Variants in SHISA9 observed in about 807,000 individuals in gnomAD.
The protein encoded by SHISA9 is shisa family member 9.
In SHISA9, 13 loss-of-function variants were observed where a neutral mutation model predicts 38.0. The ratio of observed to expected loss-of-function variants is 0.34; its 90% CI spans 0.22 to 0.54. The LOEUF (loss-of-function observed/expected upper bound fraction) is 0.54, where lower values mean the gene tolerates loss of function less well. Ranked by LOEUF, SHISA9 falls within the 20% of genes least tolerant of loss-of-function variation. SHISA9 has a pLI of 0.91. For synonymous variants in SHISA9, 275 were observed against 242.0 expected (o/e 1.14, Z -1.27); for missense variants, 538 against 575.8 (o/e 0.93, Z 0.67).
In SHISA9 at chr16:13,055,997, G is replaced by T. The variant is rs142667312; in HGVS notation, c.691+139182G>T. On this transcript the variant is annotated intron_variant, in intron 2 of 4. Coordinates refer to ENST00000558583, the MANE Select transcript of SHISA9 (RefSeq NM_001145204.3). ...ATGTGGTTTTCATGAAGCTTGGGAC[G>T]CAAGTATGCACAGTGGGTGGCAGAT... 6.0e-3 allele frequency among the ~76,000 whole-genome samples: 917 copies of T among 152,294 alleles called. 9 individuals carry two copies. Among genetic ancestry groups the T allele is most frequent in the African/African-American group, 0.021 (882 of 41,554 alleles).
chr16:13,086,001 A>G (rs1204575831), intron 2 of SHISA9, among the ~76,000 whole-genome samples: 2 of 152,238 alleles, frequency 1.3e-5, no homozygotes, highest in East Asian at 3.8e-4. Context: ...ACACAAGAGT[A>G]TTGTTTAAAG....
chr16:13,478,114 C>T, the SHISA9 span, among the ~76,000 whole-genome samples: 1 of 152,204 alleles, frequency 6.6e-6, no homozygotes, highest in Non-Finnish European at 1.5e-5. Flanking sequence ...TCTCTTCCAT[C>T]CGGTTGTTTC....
intron 3 of SHISA9, 121 bp downstream of exon 3, chr16:13,203,670 T>C: frequency 9.1e-7 from 1 of 1,100,596 alleles, no homozygotes; most frequent in Non-Finnish European, 1.2e-6. Flanking sequence ...TCTTTTTTTC[T>C]CTTTCTGCTT....
chr16:13,256,984 A>G, the SHISA9 span, among the ~76,000 whole-genome samples: 1 of 152,202 alleles, frequency 6.6e-6, no homozygotes, highest in Non-Finnish European at 1.5e-5. Flanking sequence ...TCTGATGTTC[A>G]TCTATGCCAA....
At chr16:13,553,137 C>A in the SHISA9 span, among the ~76,000 whole-genome samples, 1 of 152,158 alleles carries the variant, frequency 6.6e-6, no homozygotes, top group Non-Finnish European at 1.5e-5. Flanking sequence ...GGACCACAAC[C>A]TGCTTTCTGA....
intron 2 of SHISA9, among the ~76,000 whole-genome samples, chr16:13,045,826 G>T (rs1373497770): frequency 6.6e-6 from 1 of 152,144 alleles, no homozygotes; most frequent in Non-Finnish European, 1.5e-5. Flanking sequence ...TCTCCAAGCT[G>T]CAGCTTGGCT....
intron 2 of SHISA9, among the ~76,000 whole-genome samples, chr16:13,127,248 A>G (rs1167045360): frequency 2.4e-5 from 3 of 122,484 alleles, no homozygotes; most frequent in African/African-American, 9.4e-5. Flanking sequence ...TGAGTGAGGG[A>G]GAGAGAGGGA....
At chr16:13,278,604 G>A in the SHISA9 span, among the ~76,000 whole-genome samples, 1 of 151,930 alleles carries the variant, frequency 6.6e-6, no homozygotes, top group African/African-American at 2.4e-5. Flanking sequence ...TTTGTTATTG[G>A]TCTGTTCAGG....
At chr16:13,039,857 T>A (rs966775639) in intron 2 of SHISA9, among the ~76,000 whole-genome samples, 1 of 152,158 alleles carries the variant, frequency 6.6e-6, no homozygotes, top group Admixed American at 6.5e-5. Flanking sequence ...AGTTTACAGC[T>A]GTGTGACCTG....
At chr16:13,172,148 A>C (rs997825607) in intron 2 of SHISA9, among the ~76,000 whole-genome samples, 6 of 152,010 alleles carry the variant, frequency 3.9e-5, no homozygotes, top group African/African-American at 1.4e-4. Context: ...TTTAGGACTC[A>C]GGGCTGTTTT....
chr16:13,073,968 T>C (rs1206306952), intron 2 of SHISA9, among the ~76,000 whole-genome samples: 4 of 124,720 alleles, frequency 3.2e-5, no homozygotes, highest in African/African-American at 1.1e-4. Context: ...TTTTTTTTTT[T>C]GTTTTTTTTT....
chr16:13,497,222 T>G, the SHISA9 span, among the ~76,000 whole-genome samples: 1 of 152,236 alleles, frequency 6.6e-6, no homozygotes, highest in East Asian at 1.9e-4. Flanking sequence ...ATGTTTACGA[T>G]GTGGAATGAT....
At chr16:13,231,877 C>G (rs2051334793) in intron 4 of SHISA9, among the ~76,000 whole-genome samples, 1 of 152,228 alleles carries the variant, frequency 6.6e-6, no homozygotes, top group Non-Finnish European at 1.5e-5. Context: ...GTAGGTTCTA[C>G]TCTGGCTCAG....
intron 2 of SHISA9, among the ~76,000 whole-genome samples, chr16:13,004,272 T>C (rs2072567055): frequency 1.3e-5 from 2 of 152,172 alleles, no homozygotes; most frequent in South Asian, 4.1e-4. Context: ...GGACATGATG[T>C]AGTCAAGCCT....
chr16:13,006,514 C>T (rs1021701465), intron 2 of SHISA9, among the ~76,000 whole-genome samples: 6 of 152,202 alleles, frequency 3.9e-5, no homozygotes, highest in African/African-American at 1.4e-4. Context: ...TGCAAGTCAC[C>T]TGGGGACTTC....
At chr16:12,937,012 C>A (rs138191714) in intron 2 of SHISA9, among the ~76,000 whole-genome samples, 2,595 of 152,202 alleles carry the variant, frequency 0.017, 37 homozygotes, top group Non-Finnish European at 0.026. Flanking sequence ...CACAGGATAT[C>A]CCCCAAGTAA....
chr16:13,257,134 C>G, the SHISA9 span, among the ~76,000 whole-genome samples: 1 of 152,120 alleles, frequency 6.6e-6, no homozygotes, highest in East Asian at 1.9e-4. Context: ...TGTTTTCTGC[C>G]TTTTTTCCCT....
the SHISA9 span, among the ~76,000 whole-genome samples, chr16:13,531,072 T>C: frequency 8.5e-5 from 13 of 152,194 alleles, no homozygotes; most frequent in South Asian, 6.2e-4. Context: ...TGTATTATCA[T>C]TGATGCCCTG....
the SHISA9 span, among the ~76,000 whole-genome samples, chr16:13,460,438 G>A: frequency 6.6e-6 from 1 of 152,126 alleles, no homozygotes; most frequent in Non-Finnish European, 1.5e-5. Context: ...CTTTACAGAG[G>A]AGGAACCCCA....
Sources: gnomAD v4.1 joint callset for allele counts (sites outside exome capture counted in the v4.1 genomes callset) on GRCh38, gnomAD v4.1.1 for gene constraint, MANE v1.5 for transcripts, NCBI Gene and HGNC (gene_info 2026-07-23, HGNC 2026-07-21) for gene names.